Variants in DIPK1C observed in about 807,000 individuals in gnomAD.
The protein encoded by DIPK1C is familial non-conventional Alzheimer's dementia.
Under a neutral mutation model 28.0 loss-of-function variants are expected in DIPK1C, and 33 were observed. The ratio of observed to expected loss-of-function variants is 1.18; its 90% CI spans 0.89 to 1.58. The LOEUF (loss-of-function observed/expected upper bound fraction) is 1.58. Ranked by LOEUF, DIPK1C falls within the 40% of genes most tolerant of loss-of-function variation. The pLI is 0.00. For missense variants in DIPK1C, 569 were observed against 568.5 expected, an observed-to-expected ratio of 1.00 and a Z score of -0.01; for synonymous variants, 255 against 248.8, an observed-to-expected ratio of 1.02 and a Z score of -0.23.
chr18:74,435,978 T>G lies in DIPK1C; in HGVS notation c.*523A>C. 6.0e-6 allele frequency: 1 copy of G among 166,852 alleles called. No individual in the cohort carries two copies. The highest frequency in any genetic ancestry group is 1.3e-5 in the Non-Finnish European group (1 of 76,542). 10.3% of individuals were successfully genotyped at this position (166,852 alleles called of 1,614,324 possible). ...ACTCATACATATTCACACTCAGGCA[T>G]ACTCATACTCCTCATGAGCACACCA... On this transcript the variant is annotated 3_prime_UTR_variant, in exon 4 of 4. Coordinates refer to ENST00000343998, the MANE Select transcript of DIPK1C (RefSeq NM_001044369.3).
chr18:74,447,132 G>A lies in DIPK1C; in HGVS notation c.350C>T (p.Ser117Phe). The A allele has an allele frequency of 6.4e-7, 1 of 1,550,542 alleles. No homozygotes were observed. The part of the protein sequence containing the change: ...DWRGRPVVLK[S>F]KEEAFSSFPP... ...GAAGCTGGAGAAGGCCTCCTCCTTG[G>A]ACTTGAGGACCACGGGCCGGCCGCG... The change falls in exon 2 of 4, where the codon TCC becomes TTC. Residue 117 changes from serine (S) to phenylalanine (F), a missense_variant. By Grantham distance (155) the Ser-to-Phe change is radical. Transcript: ENST00000343998. The surrounding 1 kb of genome is among the most constrained non-coding windows in gnomAD (Gnocchi z 4.1).
chr18:74,456,539 C>T (rs913686736), intron 1 of DIPK1C, among the ~76,000 whole-genome samples: 27 of 152,182 alleles, frequency 1.8e-4, no homozygotes, highest in Admixed American at 7.2e-4. Flanking sequence ...CGCAGGGGGG[C>T]CGGGGTCAGA....
intron 2 of DIPK1C, among the ~76,000 whole-genome samples, chr18:74,445,982 C>G (rs1466972057): frequency 6.6e-6 from 1 of 152,238 alleles, no homozygotes; most frequent in Non-Finnish European, 1.5e-5. Flanking sequence ...GCACACCTCC[C>G]TGTTCTCACG....
At chr18:74,454,551 T>G (rs1373297704) in intron 1 of DIPK1C, among the ~76,000 whole-genome samples, 2 of 152,262 alleles carry the variant, frequency 1.3e-5, no homozygotes, top group Non-Finnish European at 2.9e-5. Context: ...TGGTTTCTTC[T>G]GTGCTCTGGT....
In DIPK1C at chr18:74,434,878, T is replaced by C. The variant is rs1985954019; in HGVS notation, c.*1623A>G. 6.6e-6 allele frequency: 1 copy of C among 152,252 alleles called. No individual in the cohort carries two copies. Among genetic ancestry groups the C allele is most frequent in the Non-Finnish European group, 1.5e-5 (1 of 68,056 alleles). The allele number at this position is 152,252 out of a possible 1,614,324, so 9.4% of individuals were successfully genotyped here. On this transcript the variant is annotated 3_prime_UTR_variant, in exon 4 of 4. Coordinates refer to ENST00000343998, the MANE Select transcript of DIPK1C (RefSeq NM_001044369.3). ...ATTGCAAAGCGAGTCTTCATGTCCA[T>C]GATGAGGAGGCCCTCTATGGAACTC...
At chr18:74,463,133 G>A in the DIPK1C span, among the ~76,000 whole-genome samples, 422 of 152,228 alleles carry the variant, frequency 2.8e-3, 4 homozygotes, top group African/African-American at 9.4e-3. Context: ...TCCAGCTCCC[G>A]GAGTACACAT....
Position 74,446,764 on chromosome 18 carries a change from G to A in DIPK1C, c.718C>T (p.Arg240Trp), listed in dbSNP as rs200975934. 1,065 of 1,518,630 alleles carry A rather than the reference G, an allele frequency of 7.0e-4. No individual in the cohort carries two copies. The highest frequency in any genetic ancestry group is 9.0e-4 in the Non-Finnish European group (1,013 of 1,131,072). 94.1% of individuals were successfully genotyped at this position (1,518,630 alleles called of 1,614,324 possible). A position where few individuals can be genotyped will look rare whatever the true frequency, so the allele number is the denominator to read the frequency against. ...PHHRALFPLD[R>W]APGAPGGGQA... ...CCACCCCCAGGGGCACCTGGGGCCC[G>A]GTCCAGGGGGAAGAGTGCCCTGTGG... The change falls in exon 2 of 4, where the codon CGG (arginine) becomes TGG (tryptophan). Residue 240 changes from arginine (R) to tryptophan (W), a missense_variant. By Grantham distance (101) the Arg-to-Trp change is moderately radical. Transcript: ENST00000343998.
chr18:74,444,810 C>G (rs576874916), intron 2 of DIPK1C, among the ~76,000 whole-genome samples: 1 of 152,062 alleles, frequency 6.6e-6, no homozygotes. Context: ...CAGCACCAGC[C>G]GACAAAACAC....
chr18:74,451,500 G>A (rs574056626), intron 1 of DIPK1C, among the ~76,000 whole-genome samples: 4 of 152,274 alleles, frequency 2.6e-5, no homozygotes, highest in Non-Finnish European at 4.4e-5. Flanking sequence ...GTGCCTCATC[G>A]ATGAAATACA....
chr18:74,452,564 A>G (rs763973201), intron 1 of DIPK1C, among the ~76,000 whole-genome samples: 1 of 151,816 alleles, frequency 6.6e-6, no homozygotes, highest in Non-Finnish European at 1.5e-5. Context: ...GGTGGGCAAC[A>G]TGGCAAGACC....
chr18:74,456,328 T>C (rs1986510681), intron 1 of DIPK1C, among the ~76,000 whole-genome samples: 1 of 152,252 alleles, frequency 6.6e-6, no homozygotes, highest in Admixed American at 6.5e-5. Context: ...GAAATGTTTC[T>C]TTCTCTCCCT....
At chr18:74,443,698 T>C (rs187130446) in intron 2 of DIPK1C, among the ~76,000 whole-genome samples, 1 of 152,362 alleles carries the variant, frequency 6.6e-6, no homozygotes, top group East Asian at 1.9e-4. Context: ...CTTCTCATTT[T>C]AATCTTTCCT....
Position 74,447,324 on chromosome 18 carries a change from G to A in DIPK1C, c.199-41C>T, listed in dbSNP as rs1470036124. 7 of 1,473,400 alleles carry A rather than the reference G, an allele frequency of 4.8e-6. No homozygotes were observed. Among genetic ancestry groups the A allele is most frequent in the Non-Finnish European group, 1.8e-6 (2 of 1,108,128 alleles). The allele number at this position is 1,473,400 out of a possible 1,614,324, so 91.3% of individuals were successfully genotyped here. A position where few individuals can be genotyped will look rare whatever the true frequency, so the allele number is the denominator to read the frequency against. On this transcript the variant is annotated intron_variant, in intron 1 of 3. Coordinates refer to ENST00000343998, the MANE Select transcript of DIPK1C (RefSeq NM_001044369.3). This position sits in a 1 kb window ranked among gnomAD's most constrained non-coding sequence, Gnocchi z 4.1. ...CAGTCGGTCACCATGGGGAGGGCCT[G>A]GTGCCATCCGTCTCTCGGCTCGGGT...
chr18:74,445,221 T>C (rs188439703), intron 2 of DIPK1C, among the ~76,000 whole-genome samples: 56 of 151,946 alleles, frequency 3.7e-4, no homozygotes, highest in African/African-American at 1.3e-3. Flanking sequence ...GTGGGTCGTT[T>C]CCCCCCAACA....
rs534438209 is a variant in DIPK1C at position 74,446,802 on chromosome 18, G to A, written c.680C>T (p.Ala227Val). The A allele has an allele frequency of 6.8e-5, 101 of 1,488,946 alleles. No homozygotes were observed. In the East Asian group the frequency reaches 2.1e-3, roughly 32 times the overall value. 92.2% of individuals were successfully genotyped at this position (1,488,946 alleles called of 1,614,324 possible). A position where few individuals can be genotyped will look rare whatever the true frequency, so the allele number is the denominator to read the frequency against. The change falls in exon 2 of 4, where the codon GCG (alanine) becomes GTG (valine). Residue 227 changes from alanine to valine, a missense_variant. Transcript: ENST00000343998. ...GAGTGCCCTGTGGTGGGGGCTGCCC[G>A]CGGCCAGGAACTCCACCGCGTAGAA... is the stretch of plus-strand genomic sequence containing the variant. ...GHFYAVEFLA[A>V]GSPHHRALFP...
upstream of DIPK1C, among the ~76,000 whole-genome samples, chr18:74,457,605 A>C (rs1986547355): frequency 6.6e-6 from 1 of 152,062 alleles, no homozygotes; most frequent in South Asian, 2.1e-4. Flanking sequence ...CTGATTCCTC[A>C]AGACTACATA....
intron 1 of DIPK1C, among the ~76,000 whole-genome samples, chr18:74,448,354 G>A (rs920812146): frequency 2.6e-4 from 39 of 152,296 alleles, no homozygotes; most frequent in Admixed American, 9.1e-4. Flanking sequence ...AAACAACAGA[G>A]TCACCCTCGT....
rs901281503 is a variant in DIPK1C at position 74,447,380 on chromosome 18, C to T, written c.199-97G>A. 122 of 1,217,022 alleles carry T rather than the reference C, an allele frequency of 1.0e-4. No homozygotes were observed. Among genetic ancestry groups the T allele is most frequent in the Non-Finnish European group, 1.2e-4 (105 of 899,750 alleles). 75.4% of individuals were successfully genotyped at this position (1,217,022 alleles called of 1,614,324 possible). A position where few individuals can be genotyped will look rare whatever the true frequency, so the allele number is the denominator to read the frequency against. Reference sequence around the variant, plus strand: ...AAGGGGACAGCCTAGCCTCTGCCCTCAGGACGCTGATAATCCAGCTGTGCA... The same window carrying T: ...AAGGGGACAGCCTAGCCTCTGCCCTTAGGACGCTGATAATCCAGCTGTGCA... On this transcript the variant is annotated intron_variant, in intron 1 of 3. Coordinates refer to ENST00000343998, the MANE Select transcript of DIPK1C (RefSeq NM_001044369.3). The surrounding 1 kb of genome is among the most constrained non-coding windows in gnomAD (Gnocchi z 4.1).
rs1008342041 is a variant in DIPK1C at position 74,454,861 on chromosome 18, C to T, written c.198+2201G>A. 1.0e-4 allele frequency among the ~76,000 whole-genome samples: 15 copies of T among 150,686 alleles called. No homozygotes were observed. In the East Asian group the frequency reaches 1.9e-3, roughly 20 times the overall value. On this transcript the variant is annotated intron_variant, in intron 1 of 3. Coordinates refer to ENST00000343998, the MANE Select transcript of DIPK1C (RefSeq NM_001044369.3). ...CGCATCAACACATCCAGGATGAAAA[C>T]GGTAGAAAAGGAAGTGGCAGGAAGA...
Sources: allele counts gnomAD v4.1 joint callset (sites outside exome capture counted in the v4.1 genomes callset), GRCh38; gene constraint gnomAD v4.1.1; non-coding constraint Gnocchi (gnomAD v3.1); transcripts MANE v1.5; gene names NCBI Gene and HGNC (gene_info 2026-07-23, HGNC 2026-07-21).